Variants in P3H2 observed in about 807,000 individuals in gnomAD.
P3H2 encodes the protein leprecan-like 1.
Under a neutral mutation model 87.0 loss-of-function variants are expected in P3H2, and 80 were observed. That is an observed-to-expected ratio of 0.92 (90% CI 0.77 to 1.11). The LOEUF is 1.11. Ranked by LOEUF, P3H2 falls within the 50% of genes least tolerant of loss-of-function variation. The probability of loss-of-function intolerance (pLI) is 0.00; values close to 1 mark genes in which losing one functional copy is unlikely to be tolerated. For synonymous variants in P3H2, 367 were observed against 359.3 expected, an observed-to-expected ratio of 1.02 and a Z score of -0.24; for missense variants, 1,001 against 923.9, an observed-to-expected ratio of 1.08 and a Z score of -1.08.
At position 190,120,378 on chromosome 3, in the gene P3H2, G is replaced by A. The variant is rs1317152101; in HGVS notation, c.354C>T (p.Arg118=). Residue 118 remains arginine, a synonymous_variant, in exon 1 of 15, where the codon CGC becomes CGT. Coordinates refer to ENST00000319332, the MANE Select transcript of P3H2 (RefSeq NM_018192.4). ...GCTGGGTCTCACAGCTGCGATAACA[G>A]CGCGCCCGCCCCAACAAGGAGCGGA... ...PLFRSLLGRA[R]CYRSCETQRL... 1.3e-6 allele frequency: 2 copies of A among 1,546,196 alleles called. No individual in the cohort carries two copies. Among genetic ancestry groups the A allele is most frequent in the Admixed American group, 3.9e-5 (2 of 51,290 alleles).
At chr3:190,081,580 T>G (rs9875765) in intron 1 of P3H2, among the ~76,000 whole-genome samples, 36,211 of 152,048 alleles carry the variant, frequency 0.24, 4,619 homozygotes, top group African/African-American at 0.33. Flanking sequence ...CGCCACTTTC[T>G]CCTCTTCAGG....
intron 1 of P3H2, among the ~76,000 whole-genome samples, chr3:190,117,612 A>G (rs1010168130): frequency 6.6e-6 from 1 of 151,550 alleles, no homozygotes; most frequent in Non-Finnish European, 1.5e-5. Flanking sequence ...CAGACCTGTC[A>G]GAGCTCCAGG....
Position 190,043,417 on chromosome 3 carries a change from C to A in P3H2, c.481-47975G>T, listed in dbSNP as rs76939546. 6.1e-3 allele frequency among the ~76,000 whole-genome samples: 927 copies of A among 152,024 alleles called. 6 individuals carry two copies. Among genetic ancestry groups the A allele is most frequent in the African/African-American group, 0.021 (867 of 41,456 alleles). On this transcript the variant is annotated intron_variant, in intron 1 of 14. Coordinates refer to ENST00000319332, the MANE Select transcript of P3H2 (RefSeq NM_018192.4). Reference sequence around the variant, plus strand: ...GAGTGCTGACTTCCTATGGGTAATTCGCAACTCTCAGCTTCTTCTTATTCT... The same window carrying A: ...GAGTGCTGACTTCCTATGGGTAATTAGCAACTCTCAGCTTCTTCTTATTCT...
intron 1 of P3H2, among the ~76,000 whole-genome samples, chr3:190,066,981 C>A (rs1366262562): frequency 2.0e-5 from 3 of 151,596 alleles, no homozygotes; most frequent in Non-Finnish European, 4.4e-5. Context: ...ACTACATTCA[C>A]ATGTAGTTTA....
At chr3:189,968,864 CAT>C (rs1446487984) in intron 13 of P3H2, among the ~76,000 whole-genome samples, 4 of 152,036 alleles carry the variant, frequency 2.6e-5, no homozygotes, top group African/African-American at 9.7e-5. Flanking sequence ...AGCTTTTTTT[CAT>C]ATGTTTGTTG....
At chr3:189,973,754 G>C (rs1359900382) in intron 10 of P3H2, among the ~76,000 whole-genome samples, 155 bp downstream of exon 10, 1 of 151,936 alleles carries the variant, frequency 6.6e-6, no homozygotes, top group African/African-American at 2.4e-5. Flanking sequence ...TCGATCTCCT[G>C]ACCTCGTGAT....
chr3:190,117,362 TC>T (rs1398074919), intron 1 of P3H2, among the ~76,000 whole-genome samples: 1 of 152,164 alleles, frequency 6.6e-6, no homozygotes, highest in Non-Finnish European at 1.5e-5. Flanking sequence ...AGCAGTAACA[TC>T]TCCTGAGAGC....
intron 12 of P3H2, among the ~76,000 whole-genome samples, chr3:189,971,282 T>C (rs947238808): frequency 5.9e-5 from 9 of 152,272 alleles, no homozygotes; most frequent in Non-Finnish European, 1.0e-4. Context: ...GTTGTTGTTT[T>C]TCTCTTTAAC....
At chr3:190,036,929 A>G (rs1196414813) in intron 1 of P3H2, among the ~76,000 whole-genome samples, 1 of 116,534 alleles carries the variant, frequency 8.6e-6, no homozygotes, top group Non-Finnish European at 1.7e-5. Flanking sequence ...TATGTTGGCA[A>G]CGTTGGAAAG....
At chr3:190,000,391 G>A (rs535547932) in intron 1 of P3H2, among the ~76,000 whole-genome samples, 70 of 152,274 alleles carry the variant, frequency 4.6e-4, no homozygotes, top group South Asian at 2.1e-4. Flanking sequence ...GAATACCTAC[G>A]TGGTCAAGAC....
rs182632877 is a variant in P3H2 at position 189,961,895 on chromosome 3, G to A, written c.2034+2063C>T. On this transcript the variant is annotated intron_variant, in intron 14 of 14. Transcript: ENST00000319332. ...GGAAAAGGGAGTTTGGATACTGAAT[G>A]ATGAAATAGATTAAATGTCTGCTGA... Among the ~76,000 whole-genome samples, 602 of 152,290 alleles carry A rather than the reference G, an allele frequency of 4.0e-3. 20 individuals carry two copies. Among genetic ancestry groups the A allele is most frequent in the Admixed American group, 0.035 (542 of 15,298 alleles).
intron 1 of P3H2, among the ~76,000 whole-genome samples, chr3:190,102,042 T>G (rs2108516556): frequency 6.6e-6 from 1 of 152,268 alleles, no homozygotes; most frequent in Non-Finnish European, 1.5e-5. Flanking sequence ...TACAGTATGG[T>G]TTACTGAGTA....
chr3:189,984,061 AAACTTT>A (rs1315502836), intron 7 of P3H2, among the ~76,000 whole-genome samples: 3 of 152,218 alleles, frequency 2.0e-5, no homozygotes, highest in African/African-American at 2.4e-5. Flanking sequence ...ATGTACCCTA[AAACTTT>A]AAGTATAATA....
At chr3:190,121,152 A>C, upstream of P3H2, 2 of 168,120 alleles carry the variant, frequency 1.2e-5, no homozygotes, top group East Asian at 1.7e-4. Context: ...AATAAAGAAA[A>C]TCCAGCTTAG....
chr3:190,046,479 T>C (rs2594174), intron 1 of P3H2, among the ~76,000 whole-genome samples: 122,741 of 152,110 alleles, frequency 0.81, 49,664 homozygotes, highest in East Asian at 0.88. Flanking sequence ...AATGAAGTAA[T>C]GGTAGATGAT....
chr3:190,090,447 T>C (rs951242205), intron 1 of P3H2, among the ~76,000 whole-genome samples: 2 of 152,200 alleles, frequency 1.3e-5, no homozygotes, highest in South Asian at 2.1e-4. Flanking sequence ...CTCACGCCTG[T>C]AATCCCAGCA....
intron 1 of P3H2, among the ~76,000 whole-genome samples, chr3:190,081,190 G>C (rs1727030828): frequency 6.6e-6 from 1 of 152,166 alleles, no homozygotes; most frequent in African/African-American, 2.4e-5. Context: ...TATGTGTTCT[G>C]TGATATTTAT....
In P3H2 at chr3:190,046,210, G is replaced by A. The variant is rs562244798; in HGVS notation, c.481-50768C>T. Reference sequence around the variant, plus strand: ...ACTTGCCAAGCCAGCCTCCACAATCGTGTATGCCGTTTCCTTGCAGTACAT... The same window carrying A: ...ACTTGCCAAGCCAGCCTCCACAATCATGTATGCCGTTTCCTTGCAGTACAT... On this transcript the variant is annotated intron_variant, in intron 1 of 14. Coordinates refer to ENST00000319332, the MANE Select transcript of P3H2 (RefSeq NM_018192.4). 1.2e-4 allele frequency among the ~76,000 whole-genome samples: 18 copies of A among 151,752 alleles called. No homozygotes were observed. The South Asian group carries it at 1.2e-3, about 11-fold the overall frequency.
At chr3:190,063,324 T>A (rs535972433) in intron 1 of P3H2, among the ~76,000 whole-genome samples, 45 of 152,268 alleles carry the variant, frequency 3.0e-4, no homozygotes, top group Middle Eastern at 6.8e-3. Context: ...GAGCACAGCA[T>A]CCTACTTGTC....
Sources: gnomAD v4.1 joint callset for allele counts (sites outside exome capture counted in the v4.1 genomes callset) on GRCh38, gnomAD v4.1.1 for gene constraint, MANE v1.5 for transcripts, NCBI Gene and HGNC (gene_info 2026-07-23, HGNC 2026-07-21) for gene names.